Variants in FANCD2 observed in about 807,000 individuals in gnomAD.
FANCD2 encodes the protein Fanconi anemia group D2 protein.
FANCD2 carries 131 observed loss-of-function variants against 192.3 expected under a neutral mutation model. That is an observed-to-expected ratio of 0.68 (90% CI 0.59 to 0.79). The LOEUF is 0.79. Ranked by LOEUF, FANCD2 falls within the 30% of genes least tolerant of loss-of-function variation. FANCD2 has a pLI of 0.00. For synonymous variants in FANCD2, 524 were observed against 612.5 expected (o/e 0.86, Z 2.13); for missense variants, 1,508 against 1,701.6 (o/e 0.89, Z 2.00).
At chr3:10,073,116 T>G in intron 27 of FANCD2, 135 bp downstream of exon 27, 1 of 858,078 alleles carries the variant, frequency 1.2e-6, no homozygotes, top group Non-Finnish European at 1.9e-6. Context: ...GATTTATAAA[T>G]ATACTGTAAT....
rs781692481 is a variant in FANCD2 at position 10,046,648 on chromosome 3, G to T, written c.1203G>T (p.Arg401Ser). 1.9e-6 allele frequency: 3 copies of T among 1,614,268 alleles called. No individual in the cohort carries two copies. Among genetic ancestry groups the T allele is most frequent in the African/African-American group, 1.3e-5 (1 of 75,084 alleles). The change falls in exon 15 of 44, where the codon AGG (arginine) becomes AGT (serine). Residue 401 changes from arginine to serine, a missense_variant. Around this residue, in one of 5 missense-constraint regions of FANCD2, gnomAD observed 108 missense variants for 174.1 expected, o/e 0.62. Coordinates refer to ENST00000675286, the MANE Select transcript of FANCD2 (RefSeq NM_001018115.3). The part of the protein sequence containing the change: ...TNTQTKKYID[R>S]VLRNKIRSGC... The stretch of plus-strand genomic sequence containing the variant: ...CTCAGACAAAGAAGTACATTGACAG[G>T]GTGCTAAGAAATAAGATTCGATCAG...
At chr3:10,033,050 A>G (rs2086641885) in intron 3 of FANCD2, 78 bp downstream of exon 3, 1 of 1,171,120 alleles carries the variant, frequency 8.5e-7, no homozygotes, top group Admixed American at 1.9e-5. Context: ...CTAAATAGAG[A>G]GGCAATGAAG....
At chr3:10,097,481 G>C (rs1164163222) in intron 42 of FANCD2, among the ~76,000 whole-genome samples, 1 of 152,178 alleles carries the variant, frequency 6.6e-6, no homozygotes, top group African/African-American at 2.4e-5. Flanking sequence ...AGAATTCAGT[G>C]ATATTTCTCC....
intron 18 of FANCD2, among the ~76,000 whole-genome samples, chr3:10,052,777 G>A (rs1421277711): frequency 6.6e-6 from 1 of 151,278 alleles, no homozygotes; most frequent in African/African-American, 2.4e-5. Context: ...ACATGAAAAA[G>A]TGCTCATCAT....
At chr3:10,101,152 C>T (rs1695275616) in intron 43 of FANCD2, 36 bp from the exon 44 acceptor site, 1 of 1,526,414 alleles carries the variant, frequency 6.6e-7, no homozygotes. Context: ...AGAGCAGTAA[C>T]CTAAAATGCT....
chr3:10,047,090 G>A (rs1344146454), intron 15 of FANCD2, among the ~76,000 whole-genome samples: 2 of 152,296 alleles, frequency 1.3e-5, no homozygotes, highest in African/African-American at 4.8e-5. Flanking sequence ...GCTAGGAATA[G>A]TGTTTTGCCA....
In FANCD2 at chr3:10,062,137, T is replaced by G. The variant is rs1018250088; in HGVS notation, c.1767-14T>G. 7.5e-6 allele frequency: 12 copies of G among 1,599,824 alleles called. No individual in the cohort carries two copies. The highest frequency in any genetic ancestry group is 8.5e-6 in the Non-Finnish European group (10 of 1,169,914). On this transcript the variant is annotated splice_polypyrimidine_tract_variant and intron_variant, in intron 19 of 43. Transcript: ENST00000675286. Reference sequence around the variant, plus strand: ...AGTATAATAATAATTTAAAAAAAAATTCTTTGTTTTTAGAAGTGAATCACC... The same window carrying G: ...AGTATAATAATAATTTAAAAAAAAAGTCTTTGTTTTTAGAAGTGAATCACC...
intron 19 of FANCD2, among the ~76,000 whole-genome samples, chr3:10,060,836 T>G (rs1265157141): frequency 6.6e-6 from 1 of 152,192 alleles, no homozygotes; most frequent in Non-Finnish European, 1.5e-5. Context: ...TGAGGCCCCA[T>G]TTGTAGAATC....
In FANCD2 at chr3:10,065,453, G is replaced by A; in HGVS notation, c.2228G>A (p.Arg743Lys). Residue 743 changes from arginine (R) to lysine (K), a missense_variant, in exon 24 of 44, where the codon AGA becomes AAA. Physicochemically the swap from Arg to Lys is conservative, Grantham distance 26 (BLOSUM62 2). Transcript: ENST00000675286. ...CGGTTACTGAGACTTTGTGTGGAGAGACAGCATAACGGAAACTTGGAGGAG... is the reference window on the plus strand; with the variant it reads ...CGGTTACTGAGACTTTGTGTGGAGAAACAGCATAACGGAAACTTGGAGGAG... ...YFRLLRLCVE[R>K]QHNGNLEEID... 1 of 1,613,914 alleles carries A rather than the reference G, an allele frequency of 6.2e-7. No individual in the cohort carries two copies. Among genetic ancestry groups the A allele is most frequent in the South Asian group, 1.1e-5 (1 of 91,066 alleles).
At chr3:10,069,306 T>C (rs1429439007) in intron 26 of FANCD2, among the ~76,000 whole-genome samples, 2 of 150,826 alleles carry the variant, frequency 1.3e-5, no homozygotes, top group Middle Eastern at 3.4e-3. Context: ...AAAAAAATTA[T>C]TCGGATTGAA....
chr3:10,054,436 CAT>C (rs201535479), intron 18 of FANCD2, among the ~76,000 whole-genome samples: 8,859 of 55,720 alleles, frequency 0.16, 897 homozygotes, highest in African/African-American at 0.39. Context: ...CATGTATATA[CAT>C]GTATATACAT....
At chr3:10,065,583 GGGGA>G in intron 24 of FANCD2, 89 bp downstream of exon 24, 1 of 907,616 alleles carries the variant, frequency 1.1e-6, no homozygotes, top group Non-Finnish European at 1.9e-6. Context: ...TGGTGTATGT[GGGGA>G]GGAATTTTCT....
intron 36 of FANCD2, among the ~76,000 whole-genome samples, chr3:10,089,512 C>T (rs1352989763): frequency 1.3e-5 from 2 of 152,172 alleles, no homozygotes; most frequent in Middle Eastern, 3.4e-3. Flanking sequence ...ACTTGTCACC[C>T]AGGCTGGAGT....
rs771088798 is a variant in FANCD2 at position 10,028,707 on chromosome 3, C to A, written c.50C>A (p.Thr17Lys). The A allele has an allele frequency of 5.6e-6, 9 of 1,613,694 alleles. No homozygotes were observed. Among genetic ancestry groups the A allele is most frequent in the Non-Finnish European group, 7.6e-6 (9 of 1,179,732 alleles). The change falls in exon 2 of 44, where the codon ACA becomes AAA. Residue 17 changes from threonine to lysine, a missense_variant. Coordinates refer to ENST00000675286, the MANE Select transcript of FANCD2 (RefSeq NM_001018115.3). ...LSKSEDKESLTEDASKTRKQP... is the reference protein window; with the variant it reads ...LSKSEDKESLKEDASKTRKQP... ...AAATCTGAGGATAAAGAGAGCCTGACAGAAGATGCCTCCAGTAAGTATCTA... is the reference window on the plus strand; with the variant it reads ...AAATCTGAGGATAAAGAGAGCCTGAAAGAAGATGCCTCCAGTAAGTATCTA...
In FANCD2 at chr3:10,072,434, A is replaced by C. The variant is rs1693305902; in HGVS notation, c.2495-437A>C. ...GCTGGGATTACAGGCGTCTGCCAGC[A>C]CACCTGGCTCATTTTTGTATTTTTG... On this transcript the variant is annotated intron_variant, in intron 26 of 43. Coordinates refer to ENST00000675286, the MANE Select transcript of FANCD2 (RefSeq NM_001018115.3). Among the ~76,000 whole-genome samples, 3 of 151,986 alleles carry C rather than the reference A, an allele frequency of 2.0e-5. No individual in the cohort carries two copies. The South Asian group carries it at 6.2e-4, about 32-fold the overall frequency.
chr3:10,048,532 T>C (rs1233580860), intron 16 of FANCD2, among the ~76,000 whole-genome samples: 1 of 152,200 alleles, frequency 6.6e-6, no homozygotes, highest in East Asian at 1.9e-4. Flanking sequence ...CTCGAACTCC[T>C]GACCTCAGGT....
Position 10,046,649 on chromosome 3 carries a change from G to A in FANCD2, c.1204G>A (p.Val402Met), listed in dbSNP as rs1449542187. ...NTQTKKYIDRVLRNKIRSGCI... is the reference protein window; with the variant it reads ...NTQTKKYIDRMLRNKIRSGCI... ...TCAGACAAAGAAGTACATTGACAGG[G>A]TGCTAAGAAATAAGATTCGATCAGG... The change falls in exon 15 of 44, where the codon GTG (valine) becomes ATG (methionine). Residue 402 changes from valine (V) to methionine (M), a missense_variant. Transcript: ENST00000675286. 1.2e-6 allele frequency: 2 copies of A among 1,614,160 alleles called. No homozygotes were observed. The highest frequency in any genetic ancestry group is 2.7e-5 in the African/African-American group (2 of 74,966).
chr3:10,085,776 A>T, intron 32 of FANCD2, 36 bp from the exon 33 acceptor site: 1 of 1,380,622 alleles, frequency 7.2e-7, no homozygotes, highest in Non-Finnish European at 1.0e-6. Context: ...AGTTTTCCAG[A>T]AACTAAGCTA....
intron 9 of FANCD2, chr3:10,040,440 G>T: frequency 2.2e-6 from 1 of 454,324 alleles, no homozygotes; most frequent in Non-Finnish European, 4.4e-6. Context: ...GATCCCTTAA[G>T]TTTCATTAAC....
Sources: allele counts gnomAD v4.1 joint callset (sites outside exome capture counted in the v4.1 genomes callset), GRCh38; gene constraint gnomAD v4.1.1; regional missense constraint gnomAD v4.1.1; transcripts MANE v1.5; gene names NCBI Gene and HGNC (gene_info 2026-07-23, HGNC 2026-07-21).